The following HNRNPUL1 variants were observed in gnomAD, a reference collection of about 807,000 sequenced individuals.
The protein encoded by HNRNPUL1 is heterogeneous nuclear ribonucleoprotein U-like protein 1.
A neutral mutation model predicts 108.5 loss-of-function variants in HNRNPUL1; 14 were observed. The ratio of observed to expected loss-of-function variants is 0.13; its 90% CI spans 0.09 to 0.20. The LOEUF is 0.20. HNRNPUL1 is among the 10% of genes least tolerant of loss of function. The pLI is 1.00. For missense variants in HNRNPUL1, 804 were observed against 1,168.3 expected (o/e 0.69, Z 4.55); for synonymous variants, 422 against 445.2 (o/e 0.95, Z 0.66).
intron 1 of HNRNPUL1, among the ~76,000 whole-genome samples, chr19:41,266,238 G>T (rs2034835723): frequency 6.6e-6 from 1 of 152,068 alleles, no homozygotes; most frequent in African/African-American, 2.4e-5. Context: ...TTCAAGACCA[G>T]TCTGGCCAGC....
intron 4 of HNRNPUL1, among the ~76,000 whole-genome samples, chr19:41,274,631 C>G: frequency 6.6e-6 from 1 of 152,172 alleles, no homozygotes; most frequent in East Asian, 1.9e-4. Context: ...TATAAAGGTC[C>G]TTTCGCTCAG....
At chr19:41,279,228 C>A in intron 6 of HNRNPUL1, 52 bp downstream of exon 6, 1 of 1,308,648 alleles carries the variant, frequency 7.6e-7, no homozygotes, top group Non-Finnish European at 1.1e-6. Context: ...TGTCCCTACC[C>A]TTGGATTTTC....
At chr19:41,275,958 T>A (rs182124729) in intron 4 of HNRNPUL1, among the ~76,000 whole-genome samples, 2 of 151,818 alleles carry the variant, frequency 1.3e-5, no homozygotes, top group South Asian at 4.2e-4. Context: ...ACAAAATTAG[T>A]CAGGTGTGGT....
At chr19:41,266,485 G>T (rs904729768) in intron 1 of HNRNPUL1, among the ~76,000 whole-genome samples, 6 of 150,892 alleles carry the variant, frequency 4.0e-5, no homozygotes, top group Non-Finnish European at 7.4e-5. Context: ...CAGATGGGGG[G>T]TCTCGCTATG....
intron 7 of HNRNPUL1, among the ~76,000 whole-genome samples, chr19:41,284,700 A>G (rs976315697): frequency 6.6e-6 from 1 of 151,684 alleles, no homozygotes; most frequent in Non-Finnish European, 1.5e-5. Flanking sequence ...CAGAGTTGCT[A>G]TAAGAAAGGC....
At chr19:41,281,500 G>T (rs912721080) in intron 7 of HNRNPUL1, among the ~76,000 whole-genome samples, 23 of 151,972 alleles carry the variant, frequency 1.5e-4, no homozygotes, top group Admixed American at 1.5e-3. Flanking sequence ...CCCTGAAGAG[G>T]TTTGGGGACT....
At position 41,292,775 on chromosome 19, in the gene HNRNPUL1, A is replaced by G. The variant is rs980770638; in HGVS notation, c.1266+264A>G. On this transcript the variant is annotated intron_variant, in intron 8 of 14. Coordinates refer to ENST00000392006, the MANE Select transcript of HNRNPUL1 (RefSeq NM_007040.6). The surrounding 1 kb of genome is among the most constrained non-coding windows in gnomAD (Gnocchi z 4.1). The stretch of plus-strand genomic sequence containing the variant: ...TTCTTAAGTGAGGCCAGAATAGGGG[A>G]AAAGGAGGCTTTTCTTACAGCAGAA... 2.6e-5 allele frequency among the ~76,000 whole-genome samples: 4 copies of G among 152,146 alleles called. No homozygotes were observed. Among genetic ancestry groups the G allele is most frequent in the Non-Finnish European group, 4.4e-5 (3 of 68,024 alleles).
At chr19:41,274,430 G>C (rs1248163251) in intron 4 of HNRNPUL1, among the ~76,000 whole-genome samples, 1 of 152,102 alleles carries the variant, frequency 6.6e-6, no homozygotes, top group Non-Finnish European at 1.5e-5. Context: ...AGTGCAGCTG[G>C]GGAAACTTAA....
rs11879565 is a variant in HNRNPUL1, at chr19:41,299,226, C to T, written c.1519-2310C>T. On this transcript the variant is annotated intron_variant, in intron 10 of 14. Transcript: ENST00000392006. ...ACAGTATGTGTGTGCCTGTCACCCA[C>T]ATGACTGCCCACATCCTCCTTCGTG... is the stretch of plus-strand genomic sequence containing the variant. Among the ~76,000 whole-genome samples the T allele has an allele frequency of 2.5e-3, 385 of 152,306 alleles. 2 individuals carry two copies. The highest frequency in any genetic ancestry group is 8.2e-3 in the African/African-American group (340 of 41,570).
chr19:41,277,104 A>AC (rs1293695816), intron 5 of HNRNPUL1, among the ~76,000 whole-genome samples: 1 of 147,628 alleles, frequency 6.8e-6, no homozygotes, highest in East Asian at 2.1e-4. Context: ...CTCAAAAAAA[A>AC]AAAACAAAAA....
intron 7 of HNRNPUL1, among the ~76,000 whole-genome samples, chr19:41,291,270 T>C (rs1336753932): frequency 6.6e-6 from 1 of 152,174 alleles, no homozygotes; most frequent in African/African-American, 2.4e-5. Context: ...GTCATCTTAC[T>C]GAATTATGAT....
chr19:41,275,181 T>C (rs2035473198), intron 4 of HNRNPUL1, among the ~76,000 whole-genome samples: 1 of 152,154 alleles, frequency 6.6e-6, no homozygotes, highest in Non-Finnish European at 1.5e-5. Flanking sequence ...CAGATCCCTG[T>C]ATAGCTATTG....
chr19:41,285,548 G>A (rs886899735), intron 7 of HNRNPUL1, among the ~76,000 whole-genome samples: 1 of 152,054 alleles, frequency 6.6e-6, no homozygotes, highest in Admixed American at 6.6e-5. Flanking sequence ...TATAAAGCTG[G>A]TAACTCTCAA....
chr19:41,277,079 A>G (rs1174738014), intron 5 of HNRNPUL1, among the ~76,000 whole-genome samples: 1 of 149,956 alleles, frequency 6.7e-6, no homozygotes, highest in Non-Finnish European at 1.5e-5. Context: ...CCTGGGTGAC[A>G]GAGTGAGACT....
Position 41,292,305 on chromosome 19 carries a change from A to G in HNRNPUL1, c.1060A>G (p.Ile354Val), listed in dbSNP as rs111858337. 1.2e-6 allele frequency: 2 copies of G among 1,614,166 alleles called. No homozygotes were observed. Among genetic ancestry groups the G allele is most frequent in the Non-Finnish European group, 1.7e-6 (2 of 1,180,006 alleles). Reference protein sequence around the residue: ...SFTKNGKWMGIAFRIQKEALG... With the variant: ...SFTKNGKWMGVAFRIQKEALG... The stretch of plus-strand genomic sequence containing the variant: ...TACCAAGAATGGAAAGTGGATGGGC[A>G]TTGCTTTCCGAATCCAGAAGGAAGC... The change falls in exon 8 of 15, where the codon ATT (isoleucine) becomes GTT (valine). Residue 354 changes from isoleucine (I) to valine (V), a missense_variant. Physicochemically the swap from Ile to Val is conservative, Grantham distance 29. This residue lies in a region of HNRNPUL1 where 174 missense variants were observed against 296.6 expected (regional missense o/e 0.59). Transcript: ENST00000392006. This position sits in a 1 kb window ranked among gnomAD's most constrained non-coding sequence, Gnocchi z 4.1.
intron 3 of HNRNPUL1, 50 bp downstream of exon 3, chr19:41,272,285 C>A: frequency 6.3e-7 from 1 of 1,579,364 alleles, no homozygotes; most frequent in Non-Finnish European, 8.6e-7. Context: ...TTTCTATATC[C>A]ATAGCCTCGT....
chr19:41,305,643 C>T, intron 13 of HNRNPUL1, 33 bp from the exon 14 acceptor site: 1 of 1,613,662 alleles, frequency 6.2e-7, no homozygotes, highest in South Asian at 1.1e-5. Flanking sequence ...CTCTATTTCA[C>T]AGAGCTTTGG....
At chr19:41,301,459 C>T in intron 10 of HNRNPUL1, 77 bp from the exon 11 acceptor site, 1 of 1,232,068 alleles carries the variant, frequency 8.1e-7, no homozygotes, top group South Asian at 1.5e-5. Context: ...CAGTCCCTGG[C>T]CTACATAATA....
At chr19:41,281,315 G>A (rs543996226) in intron 7 of HNRNPUL1, 40 bp downstream of exon 7, 8 of 1,388,798 alleles carry the variant, frequency 5.8e-6, no homozygotes, top group South Asian at 2.3e-5. Flanking sequence ...AGAACCAGAT[G>A]TTGGGCTACA....
Sources: allele counts gnomAD v4.1 joint callset (sites outside exome capture counted in the v4.1 genomes callset), GRCh38; gene constraint gnomAD v4.1.1; regional missense constraint gnomAD v4.1.1; non-coding constraint Gnocchi (gnomAD v3.1); transcripts MANE v1.5; gene names NCBI Gene and HGNC (gene_info 2026-07-23, HGNC 2026-07-21).